Variants in RALYL observed in about 807,000 individuals in gnomAD.
The protein encoded by RALYL is RALY RNA binding protein like, also known as RNA-binding Raly-like protein.
In RALYL, 29 loss-of-function variants were observed where a neutral mutation model predicts 35.1. That is an observed-to-expected ratio of 0.83 (90% confidence interval 0.61 to 1.13). The LOEUF is 1.13. RALYL is among the 50% of genes most tolerant of loss of function. The pLI is 0.00. For missense variants in RALYL, 359 were observed against 360.4 expected (o/e 1.00, Z 0.03); for synonymous variants, 120 against 127.6 (o/e 0.94, Z 0.40).
At chr8:84,350,834 A>G (rs537991312) in intron 1 of RALYL, among the ~76,000 whole-genome samples, 1 of 150,368 alleles carries the variant, frequency 6.7e-6, no homozygotes, top group Non-Finnish European at 1.5e-5. Context: ...AGAGAAATCA[A>G]TAGAAGAGTT....
intron 4 of RALYL, among the ~76,000 whole-genome samples, chr8:84,827,756 G>A (rs1428256107): frequency 6.6e-6 from 1 of 151,956 alleles, no homozygotes; most frequent in Non-Finnish European, 1.5e-5. Flanking sequence ...TTATTCAGAA[G>A]AGAGGCTTCA....
At chr8:84,647,372 A>G (rs2131457663) in intron 2 of RALYL, among the ~76,000 whole-genome samples, 1 of 151,558 alleles carries the variant, frequency 6.6e-6, no homozygotes, top group South Asian at 2.1e-4. Context: ...AAAGAAGAGT[A>G]AGATGAAAGG....
chr8:84,785,660 C>T (rs765784149), intron 3 of RALYL, among the ~76,000 whole-genome samples: 8 of 151,406 alleles, frequency 5.3e-5, no homozygotes, highest in Non-Finnish European at 1.2e-4. Flanking sequence ...TAAATTTTTC[C>T]AAGATGTTCT....
intron 4 of RALYL, among the ~76,000 whole-genome samples, chr8:84,826,080 T>C (rs1241689393): frequency 6.6e-6 from 1 of 151,948 alleles, no homozygotes; most frequent in Non-Finnish European, 1.5e-5. Flanking sequence ...ATGTTCTTAC[T>C]CATAACAAGG....
At chr8:84,795,624 C>T (rs1288412673) in intron 3 of RALYL, among the ~76,000 whole-genome samples, 1 of 152,190 alleles carries the variant, frequency 6.6e-6, no homozygotes, top group South Asian at 2.1e-4. Context: ...TAGCCTTGAG[C>T]AAATTTCTGT....
At chr8:84,871,746 A>C (rs1000863092) in intron 6 of RALYL, among the ~76,000 whole-genome samples, 1 of 152,142 alleles carries the variant, frequency 6.6e-6, no homozygotes, top group African/African-American at 2.4e-5. Flanking sequence ...ACTACTTTGC[A>C]TTGTAAATAA....
chr8:84,501,105 A>C (rs1420929279), intron 1 of RALYL, among the ~76,000 whole-genome samples: 1 of 152,146 alleles, frequency 6.6e-6, no homozygotes, highest in Non-Finnish European at 1.5e-5. Flanking sequence ...TAGTCATTAA[A>C]TGTGCTTTAT....
At chr8:84,256,561 A>G (rs1325501064) in intron 1 of RALYL, among the ~76,000 whole-genome samples, 7 of 152,132 alleles carry the variant, frequency 4.6e-5, no homozygotes, top group Non-Finnish European at 5.9e-5. Flanking sequence ...TCCTTAAAAT[A>G]GTAGGCTCTC....
chr8:84,682,757 G>T (rs887154971), intron 2 of RALYL, among the ~76,000 whole-genome samples: 12 of 151,724 alleles, frequency 7.9e-5, no homozygotes, highest in Admixed American at 7.2e-4. Context: ...CTTGCTAGCG[G>T]TCTATCAATT....
intron 1 of RALYL, among the ~76,000 whole-genome samples, chr8:84,253,176 G>GGTTTTTT (rs1830529620): frequency 1.9e-5 from 1 of 52,822 alleles, no homozygotes; most frequent in African/African-American, 8.7e-5. Flanking sequence ...TAGTTCTGCA[G>GGTTTTTT]TTTTTTTTTT....
At chr8:84,445,964 A>G (rs1003814355) in intron 1 of RALYL, among the ~76,000 whole-genome samples, 1 of 151,790 alleles carries the variant, frequency 6.6e-6, no homozygotes, top group African/African-American at 2.4e-5. Context: ...TTAAAGATTT[A>G]TATAATATTT....
At chr8:84,559,119 TA>T (rs1588172568) in intron 2 of RALYL, among the ~76,000 whole-genome samples, 2 of 152,070 alleles carry the variant, frequency 1.3e-5, no homozygotes, top group African/African-American at 2.4e-5. Flanking sequence ...TACTGAGTGA[TA>T]TTTTTTTTAA....
chr8:84,475,141 A>C (rs887904034), intron 1 of RALYL, among the ~76,000 whole-genome samples: 1 of 150,930 alleles, frequency 6.6e-6, no homozygotes, highest in African/African-American at 2.4e-5. Flanking sequence ...ATTCCCACCT[A>C]TGAGTGAGAA....
At chr8:84,411,990 A>G (rs1281553589) in intron 1 of RALYL, among the ~76,000 whole-genome samples, 1 of 151,954 alleles carries the variant, frequency 6.6e-6, no homozygotes, top group Non-Finnish European at 1.5e-5. Context: ...AAGAAGAAGT[A>G]TGATAATATA....
At chr8:84,586,713 T>C (rs531168415) in intron 2 of RALYL, among the ~76,000 whole-genome samples, 1 of 152,324 alleles carries the variant, frequency 6.6e-6, no homozygotes, top group Admixed American at 6.5e-5. Context: ...AAACTGCATG[T>C]TGCTGATTTC....
intron 2 of RALYL, among the ~76,000 whole-genome samples, chr8:84,689,802 T>A (rs1270045101): frequency 6.6e-6 from 1 of 152,208 alleles, no homozygotes; most frequent in African/African-American, 2.4e-5. Context: ...TCATTATGGT[T>A]TTGATTTGCA....
At chr8:84,614,890 G>A (rs1162359060) in intron 2 of RALYL, among the ~76,000 whole-genome samples, 2 of 151,030 alleles carry the variant, frequency 1.3e-5, no homozygotes, top group Non-Finnish European at 2.9e-5. Flanking sequence ...AATTATCCAG[G>A]AGGATATGGT....
intron 1 of RALYL, among the ~76,000 whole-genome samples, chr8:84,338,059 G>A (rs73294904): frequency 0.02 from 3,079 of 151,854 alleles, 111 homozygotes; most frequent in African/African-American, 0.07. Context: ...GAAATTACCC[G>A]TACTCAGGTT....
chr8:84,541,285 A>C (rs1199091304), intron 2 of RALYL, among the ~76,000 whole-genome samples: 1 of 151,954 alleles, frequency 6.6e-6, no homozygotes, highest in Admixed American at 6.6e-5. Flanking sequence ...CACATGTTCT[A>C]GTATGTCATA....
Sources: allele counts gnomAD v4.1 joint callset (sites outside exome capture counted in the v4.1 genomes callset), GRCh38; gene constraint gnomAD v4.1.1; transcripts MANE v1.5; gene names NCBI Gene and HGNC (gene_info 2026-07-23, HGNC 2026-07-21).